The following DIS3L variants were observed in gnomAD, a reference collection of about 807,000 sequenced individuals.
DIS3L encodes DIS3-like exonuclease 1.
A neutral mutation model predicts 120.3 loss-of-function variants in DIS3L; 100 were observed. The observed-to-expected ratio is 0.83, with a 90% CI of 0.71 to 0.98. The LOEUF (loss-of-function observed/expected upper bound fraction) is 0.98, where lower values mean the gene tolerates loss of function less well. Ranked by LOEUF, DIS3L falls within the 50% of genes least tolerant of loss-of-function variation. DIS3L has a pLI of 0.00. For missense variants in DIS3L, 1,196 were observed against 1,314.2 expected (o/e 0.91, Z 1.39); for synonymous variants, 426 against 470.6 (o/e 0.91, Z 1.23).
At chr15:66,309,634 G>A (rs571390928) in intron 4 of DIS3L, among the ~76,000 whole-genome samples, 1 of 152,272 alleles carries the variant, frequency 6.6e-6, no homozygotes, top group Non-Finnish European at 1.5e-5. Flanking sequence ...GAAAGGCTAA[G>A]TAACTTGTTA....
chr15:66,298,175 G>A (rs1018392560), intron 2 of DIS3L, among the ~76,000 whole-genome samples: 3 of 67,158 alleles, frequency 4.5e-5, no homozygotes, highest in Non-Finnish European at 7.8e-5. Context: ...GCAAGACTCC[G>A]TCTCAAAAAA....
At position 66,293,686 on chromosome 15, in the gene DIS3L, C is replaced by A; in HGVS notation, c.90C>A (p.Cys30Ter). The A allele has an allele frequency of 7.1e-7, 1 of 1,399,432 alleles. No homozygotes were observed. The highest frequency in any genetic ancestry group is 9.3e-7 in the Non-Finnish European group (1 of 1,071,964). 86.7% of individuals were successfully genotyped at this position (1,399,432 alleles called of 1,614,324 possible). The change falls in exon 1 of 17, where the codon TGC becomes TGA. Residue 30 changes from cysteine to a stop codon, truncating the protein, a stop_gained. Transcript: ENST00000319212. LOFTEE classifies it high-confidence loss of function. ...RIVREHYLRPCVPCHSPLCPQ... is the reference protein window; with the variant it reads ...RIVREHYLRP ...TGCGCGAGCACTACCTGCGGCCCTG[C>A]GTGCCCTGCCACAGCCCGCTCTGCC... is the stretch of plus-strand genomic sequence containing the variant.
chr15:66,321,401 T>G (rs2092881540), intron 9 of DIS3L, among the ~76,000 whole-genome samples: 1 of 152,204 alleles, frequency 6.6e-6, no homozygotes, highest in Non-Finnish European at 1.5e-5. Context: ...TACGGTATAT[T>G]GACGTACCCT....
At position 66,315,232 on chromosome 15, in the gene DIS3L, G is replaced by C. The variant is rs779361365; in HGVS notation, c.994+17G>C. 1 of 1,583,362 alleles carries C rather than the reference G, an allele frequency of 6.3e-7. No homozygotes were observed. Among genetic ancestry groups the C allele is most frequent in the Admixed American group, 1.7e-5 (1 of 58,258 alleles). The stretch of plus-strand genomic sequence containing the variant: ...TGCCTACAGGTGAGCCAGCTGCAGA[G>C]CCACTCCGATGTCCATTTTTCTTGT... On this transcript the variant is annotated intron_variant, in intron 7 of 16. Coordinates refer to ENST00000319212, the MANE Select transcript of DIS3L (RefSeq NM_001143688.3).
At position 66,316,703 on chromosome 15, in the gene DIS3L, C is replaced by T. The variant is rs1009193934; in HGVS notation, c.994+1488C>T. On this transcript the variant is annotated intron_variant, in intron 7 of 16. Coordinates refer to ENST00000319212, the MANE Select transcript of DIS3L (RefSeq NM_001143688.3). The stretch of plus-strand genomic sequence containing the variant: ...AGGTGGTGCACACCTGTAGTCCCAG[C>T]TACTGGGAAGCTGAGGCACGAGAAT... Among the ~76,000 whole-genome samples, 10 of 152,126 alleles carry T rather than the reference C, an allele frequency of 6.6e-5. No homozygotes were observed. In the South Asian group the frequency reaches 8.3e-4, roughly 13 times the overall value.
intron 7 of DIS3L, among the ~76,000 whole-genome samples, chr15:66,317,138 A>G (rs1472251525): frequency 6.6e-6 from 1 of 151,610 alleles, no homozygotes; most frequent in Non-Finnish European, 1.5e-5. Context: ...GTCACTCTTG[A>G]TCACCTTACC....
chr15:66,323,578 G>A lies in DIS3L; in HGVS notation c.1660G>A (p.Val554Ile), dbSNP rs1463007484. 2.3e-5 allele frequency: 37 copies of A among 1,614,202 alleles called. No homozygotes were observed. Among genetic ancestry groups the A allele is most frequent in the Non-Finnish European group, 3.0e-5 (35 of 1,180,010 alleles). ...AGATTTGTGTTCCCTTCTGGGAGGC[G>A]TTGATAGGTGAGTTTATGGCTTTTG... ...SADLCSLLGGVDRYAVSIMWE... is the reference protein window; with the variant it reads ...SADLCSLLGGIDRYAVSIMWE... The change falls in exon 11 of 17, where the codon GTT becomes ATT. Residue 554 changes from valine (V) to isoleucine (I), a missense_variant. Physicochemically the swap from Val to Ile is conservative, Grantham distance 29 (BLOSUM62 3). Coordinates refer to ENST00000319212, the MANE Select transcript of DIS3L (RefSeq NM_001143688.3).
At chr15:66,297,728 T>G (rs936459553) in intron 2 of DIS3L, among the ~76,000 whole-genome samples, 9 of 152,206 alleles carry the variant, frequency 5.9e-5, no homozygotes, top group Non-Finnish European at 1.3e-4. Flanking sequence ...TTTAGGAACA[T>G]TCTTGGTTAG....
intron 7 of DIS3L, among the ~76,000 whole-genome samples, chr15:66,316,997 A>G (rs563243557): frequency 5.9e-4 from 90 of 152,252 alleles, no homozygotes; most frequent in African/African-American, 2.0e-3. Flanking sequence ...CTCCAGCCGC[A>G]GTGACAACTT....
In DIS3L at chr15:66,329,032, ACAGGCTACTGCGCTC is replaced by A; in HGVS notation, c.2267_2281del (p.Arg756_Ser760del). 6.2e-7 allele frequency: 1 copy of A among 1,614,218 alleles called. No individual in the cohort carries two copies. Among genetic ancestry groups the A allele is most frequent in the Non-Finnish European group, 8.5e-7 (1 of 1,180,042 alleles). Reference sequence around the variant, plus strand: ...AACGACCCCCACGATCCCATTGTGAACAGGCTACTGCGCTCCATGGCCACGCAGGCCATGTCGAAT... The same window carrying A: ...AACGACCCCCACGATCCCATTGTGAACATGGCCACGCAGGCCATGTCGAAT... On this transcript the variant is annotated inframe_deletion, in exon 13 of 17. Coordinates refer to ENST00000319212, the MANE Select transcript of DIS3L (RefSeq NM_001143688.3).
chr15:66,303,513 A>G (rs2092669359), intron 2 of DIS3L, among the ~76,000 whole-genome samples: 1 of 152,202 alleles, frequency 6.6e-6, no homozygotes, highest in African/African-American at 2.4e-5. Context: ...TAAATGAAGG[A>G]TGCTTAGCAA....
chr15:66,326,600 G>C (rs2092940863), intron 12 of DIS3L: 1 of 471,488 alleles, frequency 2.1e-6, no homozygotes, highest in Admixed American at 3.7e-5. Context: ...TTTTTTTTTA[G>C]ATAGAGTCTT....
chr15:66,307,154 C>G (rs2092710326), intron 3 of DIS3L, among the ~76,000 whole-genome samples: 1 of 152,138 alleles, frequency 6.6e-6, no homozygotes, highest in Non-Finnish European at 1.5e-5. Context: ...TTAAAAATTG[C>G]AGTTAGGAAG....
At chr15:66,331,225 T>C (rs887946191) in intron 14 of DIS3L, among the ~76,000 whole-genome samples, 1 of 152,006 alleles carries the variant, frequency 6.6e-6, no homozygotes, top group South Asian at 2.1e-4. Context: ...TAATTTAGAC[T>C]TCCACCAATA....
At chr15:66,330,335 C>A in intron 14 of DIS3L, 4 of 985,082 alleles carry the variant, frequency 4.1e-6, no homozygotes, top group Non-Finnish European at 4.8e-6. Context: ...TTTGAATCTG[C>A]TTTTTTCATG....
intron 10 of DIS3L, 64 bp from the exon 11 acceptor site, chr15:66,323,429 A>G: frequency 1.2e-5 from 19 of 1,553,252 alleles, no homozygotes; most frequent in Non-Finnish European, 1.7e-5. Flanking sequence ...CCTGCGGCCC[A>G]CACAGTCAGC....
At chr15:66,313,801 G>T (rs900940872) in intron 5 of DIS3L, among the ~76,000 whole-genome samples, 1 of 142,702 alleles carries the variant, frequency 7.0e-6, no homozygotes, top group Admixed American at 7.3e-5. Flanking sequence ...ATATATATAT[G>T]TGTGTGTGTG....
rs746448504 is a variant in DIS3L at position 66,306,864 on chromosome 15, C to T, written c.334C>T (p.His112Tyr). ...GCGAAACCTGCTGAAGGATGCGCGT[C>T]ATGATTGCATTCTCTTTGCTAATGA... is the stretch of plus-strand genomic sequence containing the variant. ...KLRNLLKDARHDCILFANEFQ... is the reference protein window; with the variant it reads ...KLRNLLKDARYDCILFANEFQ... Residue 112 changes from histidine to tyrosine, a missense_variant, in exon 3 of 17, where the codon CAT becomes TAT. By Grantham distance (83) the His-to-Tyr change is moderately conservative (BLOSUM62 2). Coordinates refer to ENST00000319212, the MANE Select transcript of DIS3L (RefSeq NM_001143688.3). 1.2e-6 allele frequency: 2 copies of T among 1,614,156 alleles called. No homozygotes were observed. Among genetic ancestry groups the T allele is most frequent in the East Asian group, 4.5e-5 (2 of 44,886 alleles).
intron 14 of DIS3L, chr15:66,330,344 T>C: frequency 1.0e-6 from 1 of 985,336 alleles, no homozygotes; most frequent in Non-Finnish European, 1.2e-6. Flanking sequence ...GCTTTTTTCA[T>C]GTAACCCAAC....
Sources: gnomAD v4.1 joint callset for allele counts (sites outside exome capture counted in the v4.1 genomes callset) on GRCh38, gnomAD v4.1.1 for gene constraint, MANE v1.5 for transcripts, NCBI Gene and HGNC (gene_info 2026-07-23, HGNC 2026-07-21) for gene names.